The following NIBAN3 variants were observed in gnomAD, a reference collection of about 807,000 sequenced individuals.
The protein encoded by NIBAN3 is protein Niban 3.
Under a neutral mutation model 76.4 loss-of-function variants are expected in NIBAN3, and 66 were observed. The observed-to-expected ratio is 0.86, with a 90% CI of 0.71 to 1.06. The LOEUF (loss-of-function observed/expected upper bound fraction) is 1.06, where lower values mean the gene tolerates loss of function less well. Among genes scored for constraint, NIBAN3 ranks in the 50% least tolerant of loss-of-function variants. The pLI, the probability that NIBAN3 is intolerant of heterozygous loss-of-function variation, is 0.00. For synonymous variants in NIBAN3, 360 were observed against 355.2 expected, an observed-to-expected ratio of 1.01 and a Z score of -0.15; for missense variants, 808 against 810.7, an observed-to-expected ratio of 1.00 and a Z score of 0.04.
chr19:17,540,882 C>T (rs905713922), intron 9 of NIBAN3, among the ~76,000 whole-genome samples: 6 of 152,260 alleles, frequency 3.9e-5, no homozygotes, highest in Admixed American at 2.6e-4. Flanking sequence ...TACAGGCGCA[C>T]GCCACCAAGC....
chr19:17,542,137 T>C lies in NIBAN3; in HGVS notation c.1172T>C (p.Val391Ala). ...SPSGTRLRREVYSFGEMPWDL... is the reference protein window; with the variant it reads ...SPSGTRLRREAYSFGEMPWDL... ...CCAAAACTGCTTCCGGGAGCACAGG[T>C]TTACTCATTTGGGGAGATGCCGTGG... The change falls in exon 10 of 15, where the codon GTT becomes GCT. Residue 391 changes from valine to alanine, a missense_variant and splice_region_variant. By Grantham distance (64) the Val-to-Ala change is moderately conservative. Coordinates refer to ENST00000599164, the MANE Select transcript of NIBAN3 (RefSeq NM_001321827.2). The surrounding 1 kb of genome is among the most constrained non-coding windows in gnomAD (Gnocchi z 4.8). The C allele has an allele frequency of 6.2e-7, 1 of 1,614,010 alleles. No homozygotes were observed. Among genetic ancestry groups the C allele is most frequent in the Non-Finnish European group, 8.5e-7 (1 of 1,179,998 alleles).
chr19:17,539,271 T>C lies in NIBAN3; in HGVS notation c.711+6T>C, dbSNP rs1235145611. 1 of 1,591,978 alleles carries C rather than the reference T, an allele frequency of 6.3e-7. No individual in the cohort carries two copies. The highest frequency in any genetic ancestry group is 8.5e-7 in the Non-Finnish European group (1 of 1,169,780). On this transcript the variant is annotated splice_donor_region_variant and intron_variant, in intron 6 of 14. Coordinates refer to ENST00000599164, the MANE Select transcript of NIBAN3 (RefSeq NM_001321827.2). Reference sequence around the variant, plus strand: ...CCCTAGGCTCAGACGCCGAGGTTAGTGCCCCGCGAGGCCGCACCCGGGACC... The same window carrying C: ...CCCTAGGCTCAGACGCCGAGGTTAGCGCCCCGCGAGGCCGCACCCGGGACC...
rs1480135308 is a variant in NIBAN3 at position 17,542,380 on chromosome 19, C to T, written c.1329+86C>T. ...TGCTAAGTGTGCCCTGGAGAGACCA[C>T]GATGATCGAGACAACTCCGCGGGGC... On this transcript the variant is annotated intron_variant, in intron 10 of 14. Coordinates refer to ENST00000599164, the MANE Select transcript of NIBAN3 (RefSeq NM_001321827.2). This position sits in a 1 kb window ranked among gnomAD's most constrained non-coding sequence, Gnocchi z 4.8. 19 of 1,413,794 alleles carry T rather than the reference C, an allele frequency of 1.3e-5. No homozygotes were observed. Among genetic ancestry groups the T allele is most frequent in the Admixed American group, 9.1e-5 (4 of 43,952 alleles). The allele number at this position is 1,413,794 out of a possible 1,614,324, so 87.6% of individuals were successfully genotyped here.
rs750394758 is a variant in NIBAN3, at chr19:17,542,111, C to T, written c.1171-25C>T. 2 of 1,613,774 alleles carry T rather than the reference C, an allele frequency of 1.2e-6. No homozygotes were observed. Among genetic ancestry groups the T allele is most frequent in the Non-Finnish European group, 1.7e-6 (2 of 1,179,942 alleles). On this transcript the variant is annotated intron_variant, in intron 9 of 14. Transcript: ENST00000599164. This position sits in a 1 kb window ranked among gnomAD's most constrained non-coding sequence, Gnocchi z 4.8. ...TGCAATCAGCTGACAGCATTTTTCC[C>T]CCAAAACTGCTTCCGGGAGCACAGG...
At position 17,552,148 on chromosome 19, in the gene NIBAN3, G is replaced by A. The variant is rs557955295; in HGVS notation, c.*250G>A. ...GGCTGGAGTGCAGTGGCAGGATCTCGGCTCACTGCAACCTCCGCCTCCCGG... is the reference window on the plus strand; with the variant it reads ...GGCTGGAGTGCAGTGGCAGGATCTCAGCTCACTGCAACCTCCGCCTCCCGG... On this transcript the variant is annotated 3_prime_UTR_variant, in exon 15 of 15. Coordinates refer to ENST00000599164, the MANE Select transcript of NIBAN3 (RefSeq NM_001321827.2). 55 of 243,372 alleles carry A rather than the reference G, an allele frequency of 2.3e-4. No individual in the cohort carries two copies. The highest frequency in any genetic ancestry group is 1.2e-3 in the African/African-American group (52 of 43,374). The allele number at this position is 243,372 out of a possible 1,614,324, so 15.1% of individuals were successfully genotyped here. A position where few individuals can be genotyped will look rare whatever the true frequency, so the allele number is the denominator to read the frequency against.
intron 4 of NIBAN3, 52 bp downstream of exon 4, chr19:17,533,753 A>G (rs1372203994): frequency 6.1e-6 from 8 of 1,322,260 alleles, no homozygotes; most frequent in Non-Finnish European, 8.7e-6. Flanking sequence ...AGCATCATTA[A>G]CATGTGGGGC....
chr19:17,526,776 C>T (rs1010261647), upstream of NIBAN3, among the ~76,000 whole-genome samples: 2 of 152,286 alleles, frequency 1.3e-5, no homozygotes, highest in Non-Finnish European at 2.9e-5. Flanking sequence ...TCACCCCTGC[C>T]AGGCCACCCA....
At chr19:17,535,745 C>CAAAAAA (rs1163900162) in intron 4 of NIBAN3, among the ~76,000 whole-genome samples, 1 of 86,026 alleles carries the variant, frequency 1.2e-5, no homozygotes, top group Non-Finnish European at 2.3e-5. Flanking sequence ...AAGACTCTGT[C>CAAAAAA]AAAAAAAAAA....
At position 17,527,279 on chromosome 19, in the gene NIBAN3, G is replaced by C. The variant is rs1018147886; in HGVS notation, c.-62G>C. ...TCACCCGCCATCCAGGTGCCCCTGA[G>C]CCGAGGAACGCAGGCGGTGGTCGTG... On this transcript the variant is annotated 5_prime_UTR_variant, in exon 1 of 15. Coordinates refer to ENST00000599164, the MANE Select transcript of NIBAN3 (RefSeq NM_001321827.2). 1 of 1,550,626 alleles carries C rather than the reference G, an allele frequency of 6.4e-7. No individual in the cohort carries two copies. Among genetic ancestry groups the C allele is most frequent in the East Asian group, 2.4e-5 (1 of 40,892 alleles).
intron 4 of NIBAN3, among the ~76,000 whole-genome samples, chr19:17,534,906 A>G (rs780581769): frequency 6.6e-6 from 1 of 152,194 alleles, no homozygotes; most frequent in Non-Finnish European, 1.5e-5. Flanking sequence ...AAGTCTGCCC[A>G]GCAGGCAGGC....
At chr19:17,549,134 C>G (rs967258429) in intron 13 of NIBAN3, among the ~76,000 whole-genome samples, 1 of 152,130 alleles carries the variant, frequency 6.6e-6, no homozygotes, top group South Asian at 2.1e-4. Flanking sequence ...AATCCAGAAA[C>G]AGTTGACCTC....
At position 17,552,751 on chromosome 19, in the gene NIBAN3, T is replaced by C. The variant is rs1200524617; in HGVS notation, c.*853T>C. 6.6e-6 allele frequency: 1 copy of C among 151,794 alleles called. No individual in the cohort carries two copies. The highest frequency in any genetic ancestry group is 1.5e-5 in the Non-Finnish European group (1 of 68,054). The allele number at this position is 151,794 out of a possible 1,614,324, so 9.4% of individuals were successfully genotyped here. Reference sequence around the variant, plus strand: ...TTCAAGACCAGCCTGGCGAACATAGTGAGACCTCATCTCTACAAAAAATAC... The same window carrying C: ...TTCAAGACCAGCCTGGCGAACATAGCGAGACCTCATCTCTACAAAAAATAC... On this transcript the variant is annotated 3_prime_UTR_variant, in exon 15 of 15. Transcript: ENST00000599164.
intron 13 of NIBAN3, 148 bp from the exon 14 acceptor site, chr19:17,549,296 C>T: frequency 1.5e-6 from 1 of 651,054 alleles, no homozygotes; most frequent in Non-Finnish European, 2.7e-6. Context: ...CAATGTCTGC[C>T]ATGGGTGCGG....
intron 3 of NIBAN3, among the ~76,000 whole-genome samples, chr19:17,533,192 C>T (rs1206668530): frequency 1.3e-5 from 2 of 152,016 alleles, no homozygotes; most frequent in Non-Finnish European, 2.9e-5. Context: ...AGTGGATCAC[C>T]TGAGGTCAGG....
At chr19:17,531,254 G>A (rs1443019657) in intron 2 of NIBAN3, among the ~76,000 whole-genome samples, 2 of 151,878 alleles carry the variant, frequency 1.3e-5, no homozygotes, top group African/African-American at 4.8e-5. Context: ...TTGAACCTGG[G>A]AGGTGGAGAT....
Position 17,553,481 on chromosome 19 carries a change from A to T in NIBAN3, c.*1583A>T. The T allele has an allele frequency of 6.2e-7, 1 of 1,614,190 alleles. No individual in the cohort carries two copies. The highest frequency in any genetic ancestry group is 8.5e-7 in the Non-Finnish European group (1 of 1,180,038). ...AGGGATTCCCGTGTGTTCTTGGTTC[A>T]GCTTGCAGAGGGACTTTCACACTCC... On this transcript the variant is annotated 3_prime_UTR_variant, in exon 15 of 15. Coordinates refer to ENST00000599164, the MANE Select transcript of NIBAN3 (RefSeq NM_001321827.2).
rs200808762 is a variant in NIBAN3 at position 17,527,331 on chromosome 19, C to T, written c.-10C>T. The T allele has an allele frequency of 4.1e-5, 64 of 1,550,316 alleles. No individual in the cohort carries two copies. Among genetic ancestry groups the T allele is most frequent in the East Asian group, 1.2e-4 (5 of 40,902 alleles). ...GGAAGGGAAGAGGAGCCCCGGGAGA[C>T]GACAGCAGCATGGGTGGGCGGCCTT... On this transcript the variant is annotated 5_prime_UTR_variant, in exon 1 of 15. In the 5' UTR this introduces an upstream ATG that the reference lacks. Transcript: ENST00000599164.
chr19:17,535,168 G>A (rs1290053703), intron 4 of NIBAN3, among the ~76,000 whole-genome samples: 1 of 152,200 alleles, frequency 6.6e-6, no homozygotes, highest in Non-Finnish European at 1.5e-5. Context: ...GCTGGCTGTG[G>A]CGGCATATGC....
At position 17,537,373 on chromosome 19, in the gene NIBAN3, CAGG is replaced by C. The variant is rs763656871; in HGVS notation, c.428_430del (p.Gly143del). 1 of 1,612,662 alleles carries C rather than the reference CAGG, an allele frequency of 6.2e-7. No homozygotes were observed. The highest frequency in any genetic ancestry group is 8.5e-7 in the Non-Finnish European group (1 of 1,179,238). On this transcript the variant is annotated splice_acceptor_variant and coding_sequence_variant, in exon 5 of 15. Transcript: ENST00000599164. LOFTEE classifies it high-confidence loss of function. ...GAAGATGCGACCTCCTGTTTGTTTT[CAGG>C]AGACCATACTCAGGAAGAGCCTGAC...
Sources: gnomAD v4.1 joint callset for allele counts (sites outside exome capture counted in the v4.1 genomes callset) on GRCh38, gnomAD v4.1.1 for gene constraint, Gnocchi (gnomAD v3.1) non-coding constraint, MANE v1.5 for transcripts, NCBI Gene and HGNC (gene_info 2026-07-23, HGNC 2026-07-21) for gene names.